Variants in CHN2 observed in about 807,000 individuals in gnomAD.
CHN2 encodes chimerin 2.
Under a neutral mutation model 56.3 loss-of-function variants are expected in CHN2, and 35 were observed. The ratio of observed to expected loss-of-function variants is 0.62; its 90% CI spans 0.47 to 0.82. The LOEUF is 0.82. Ranked by LOEUF, CHN2 falls within the 40% of genes least tolerant of loss-of-function variation. CHN2 has a pLI of 0.00. For synonymous variants in CHN2, 210 were observed against 212.8 expected, an observed-to-expected ratio of 0.99 and a Z score of 0.12; for missense variants, 491 against 580.5, an observed-to-expected ratio of 0.85 and a Z score of 1.58.
At chr7:29,224,147 C>T (rs1444963764) in intron 1 of CHN2, among the ~76,000 whole-genome samples, 1 of 152,152 alleles carries the variant, frequency 6.6e-6, no homozygotes, top group Non-Finnish European at 1.5e-5. Context: ...ATTCTAAGGG[C>T]TACTTCTGAA....
rs559990789 is a variant in CHN2 at position 29,500,167 on chromosome 7, A to G, written c.913+127A>G. 9.7e-5 allele frequency: 56 copies of G among 574,846 alleles called. 1 individual carries two copies. The highest frequency in any genetic ancestry group is 8.3e-4 in the African/African-American group (44 of 52,814). The allele number at this position is 574,846 out of a possible 1,614,324, so 35.6% of individuals were successfully genotyped here. ...GAAAATGACCTACGCATGTGTGCGC[A>G]CACACACACTCTCTCTCTCTCACAG... On this transcript the variant is annotated intron_variant, in intron 9 of 12. Coordinates refer to ENST00000222792, the MANE Select transcript of CHN2 (RefSeq NM_004067.4).
chr7:29,400,350 C>T (rs917624134), intron 5 of CHN2, 193 bp from the exon 6 acceptor site: 4 of 607,500 alleles, frequency 6.6e-6, no homozygotes, highest in East Asian at 2.8e-5. Context: ...GTTACCTTTG[C>T]GGTAAGACAG....
intron 3 of CHN2, among the ~76,000 whole-genome samples, chr7:29,368,605 G>A (rs918744994): frequency 1.3e-5 from 2 of 152,172 alleles, no homozygotes; most frequent in Non-Finnish European, 2.9e-5. Flanking sequence ...AGGCCCATGG[G>A]TCCTTGCTTA....
intron 6 of CHN2, among the ~76,000 whole-genome samples, chr7:29,444,749 G>A (rs1375723975): frequency 6.6e-6 from 1 of 152,192 alleles, no homozygotes; most frequent in African/African-American, 2.4e-5. Context: ...TGCATATCCA[G>A]AGATGAGAGG....
chr7:29,445,125 A>G, intron 6 of CHN2: 2 of 456,000 alleles, frequency 4.4e-6, no homozygotes, highest in South Asian at 3.1e-5. Flanking sequence ...TCTGGAACAG[A>G]AAGTTAGTGT....
intron 1 of CHN2, among the ~76,000 whole-genome samples, chr7:29,278,980 C>T (rs1791452556): frequency 6.8e-6 from 1 of 147,722 alleles, no homozygotes; most frequent in Non-Finnish European, 1.5e-5. Context: ...AGGAAGTCCC[C>T]AGGGAGGTCC....
intron 1 of CHN2, among the ~76,000 whole-genome samples, chr7:29,225,840 C>G (rs949988134): frequency 1.3e-5 from 2 of 152,122 alleles, no homozygotes. Context: ...AGTCACTGAG[C>G]ATTACTGTAG....
At chr7:29,299,069 G>T (rs781391937) in intron 1 of CHN2, among the ~76,000 whole-genome samples, 2 of 152,196 alleles carry the variant, frequency 1.3e-5, no homozygotes, top group Admixed American at 6.5e-5. Flanking sequence ...TCCGCAGAGC[G>T]AGAGTCCTGC....
chr7:29,169,822 G>GTA (rs201753678), intron 2 of CHN2, among the ~76,000 whole-genome samples: 195 of 150,218 alleles, frequency 1.3e-3, no homozygotes, highest in African/African-American at 2.7e-3. Flanking sequence ...GGGATAAGAT[G>GTA]TATATATATA....
chr7:29,490,389 C>T (rs1051191432), intron 7 of CHN2, among the ~76,000 whole-genome samples: 2 of 152,146 alleles, frequency 1.3e-5, no homozygotes, highest in African/African-American at 2.4e-5. Flanking sequence ...GGATCTCCTA[C>T]GTGTTCTGCT....
At chr7:29,336,741 CAG>C (rs1796641733) in intron 1 of CHN2, among the ~76,000 whole-genome samples, 1 of 105,820 alleles carries the variant, frequency 9.5e-6, no homozygotes, top group Admixed American at 1.4e-4. Flanking sequence ...GCCTGAGTAA[CAG>C]AGCAAGATTC....
chr7:29,302,832 C>T (rs543409123), intron 1 of CHN2, among the ~76,000 whole-genome samples: 1 of 152,168 alleles, frequency 6.6e-6, no homozygotes, highest in African/African-American at 2.4e-5. Context: ...CTCCACATAC[C>T]TCATATAAGT....
At chr7:29,491,180 GCTTT>G (rs573350236) in intron 7 of CHN2, among the ~76,000 whole-genome samples, 11 of 151,792 alleles carry the variant, frequency 7.2e-5, no homozygotes, top group Admixed American at 1.3e-4. Context: ...GCTGGGTATG[GCTTT>G]CTTTCTTACA....
intron 1 of CHN2, among the ~76,000 whole-genome samples, chr7:29,329,068 G>A (rs1796016343): frequency 2.0e-5 from 3 of 152,066 alleles, no homozygotes; most frequent in Admixed American, 2.0e-4. Flanking sequence ...ACAACTGTCT[G>A]GGGTTATTCA....
intron 2 of CHN2, among the ~76,000 whole-genome samples, chr7:29,358,287 C>G (rs1473956632): frequency 2.6e-5 from 4 of 152,022 alleles, no homozygotes; most frequent in African/African-American, 9.7e-5. Flanking sequence ...GTCCTAGCTA[C>G]TCGAAAAGGC....
chr7:29,309,554 C>G (rs1188444908), intron 1 of CHN2, among the ~76,000 whole-genome samples: 1 of 152,196 alleles, frequency 6.6e-6, no homozygotes, highest in Non-Finnish European at 1.5e-5. Flanking sequence ...TTCCCATTGT[C>G]ATTGTCCTTT....
rs142488576 is a variant in CHN2, at chr7:29,234,710, G to A, written c.49+39720G>A. ...TCTTTTCCATTTCTCATCTACTGTG[G>A]CAATGTCATGTCCCGTCACATGAGC... On this transcript the variant is annotated intron_variant, in intron 1 of 12. Transcript: ENST00000222792. 2.3e-3 allele frequency among the ~76,000 whole-genome samples: 346 copies of A among 152,240 alleles called. 1 individual carries two copies. The highest frequency in any genetic ancestry group is 8.0e-3 in the African/African-American group (332 of 41,540).
At position 29,204,409 on chromosome 7, in the gene CHN2, A is replaced by C. The variant is rs186976973; in HGVS notation, c.49+9419A>C. On this transcript the variant is annotated intron_variant, in intron 1 of 12. Transcript: ENST00000222792. ...TTAATACACATAATTTGGCTGCCTA[A>C]TATTGATTTAAGTTGCTCATTCAAA... Among the ~76,000 whole-genome samples the C allele has an allele frequency of 4.6e-5, 7 of 152,290 alleles. No individual in the cohort carries two copies. The East Asian group carries it at 1.3e-3, about 29-fold the overall frequency.
At chr7:29,483,730 C>A in intron 7 of CHN2, 1 of 777,930 alleles carries the variant, frequency 1.3e-6, no homozygotes, top group Non-Finnish European at 1.7e-6. Flanking sequence ...CTAATAATAC[C>A]TTATGGCTGA....
Sources: gnomAD v4.1 joint callset for allele counts (sites outside exome capture counted in the v4.1 genomes callset) on GRCh38, gnomAD v4.1.1 for gene constraint, MANE v1.5 for transcripts, NCBI Gene and HGNC (gene_info 2026-07-23, HGNC 2026-07-21) for gene names.